The following PDE4B variants were observed in gnomAD, a reference collection of about 807,000 sequenced individuals.
The protein encoded by PDE4B is phosphodiesterase 4B.
A neutral mutation model predicts 82.2 loss-of-function variants in PDE4B; 20 were observed. The observed-to-expected ratio is 0.24, with a 90% CI of 0.17 to 0.35. PDE4B has a LOEUF of 0.35. Ranked by LOEUF, PDE4B falls within the 10% of genes least tolerant of loss-of-function variation. The probability of loss-of-function intolerance (pLI) is 1.00; values close to 1 mark genes in which losing one functional copy is unlikely to be tolerated. For synonymous variants in PDE4B, 320 were observed against 318.9 expected, an observed-to-expected ratio of 1.00 and a Z score of -0.04; for missense variants, 655 against 907.2, an observed-to-expected ratio of 0.72 and a Z score of 3.57.
chr1:66,065,737 TAGC>T (rs751740926), intron 3 of PDE4B, among the ~76,000 whole-genome samples: 18 of 151,894 alleles, frequency 1.2e-4, no homozygotes, highest in Non-Finnish European at 2.7e-4. Context: ...AGCTAGTTAG[TAGC>T]AGAGTGAATG....
chr1:65,952,156 C>T (rs187910319), intron 3 of PDE4B, among the ~76,000 whole-genome samples: 1 of 152,166 alleles, frequency 6.6e-6, no homozygotes, highest in East Asian at 1.9e-4. Context: ...GTTCATGTTT[C>T]AGTAAGCCTT....
At chr1:65,875,852 G>A (rs1646634964) in intron 1 of PDE4B, among the ~76,000 whole-genome samples, 1 of 151,564 alleles carries the variant, frequency 6.6e-6, no homozygotes, top group Non-Finnish European at 1.5e-5. Context: ...CCTAATGTTG[G>A]ATGACGAGTT....
At chr1:66,093,894 A>G (rs1570213639) in intron 3 of PDE4B, among the ~76,000 whole-genome samples, 1 of 152,016 alleles carries the variant, frequency 6.6e-6, no homozygotes, top group East Asian at 1.9e-4. Flanking sequence ...GGACCCAGAA[A>G]TCATTTGGGC....
chr1:65,806,216 T>C (rs1645753261), intron 1 of PDE4B, among the ~76,000 whole-genome samples: 1 of 152,132 alleles, frequency 6.6e-6, no homozygotes, highest in African/African-American at 2.4e-5. Flanking sequence ...ACTATATTAG[T>C]GCTAAATTAT....
At chr1:66,134,043 G>GA (rs3036787) in intron 3 of PDE4B, among the ~76,000 whole-genome samples, 4,724 of 148,592 alleles carry the variant, frequency 0.032, 249 homozygotes, top group African/African-American at 0.11. Context: ...CACAAAACTG[G>GA]AAAAAAAAAA....
At chr1:66,154,090 T>C (rs1490958798) in intron 3 of PDE4B, among the ~76,000 whole-genome samples, 1 of 152,162 alleles carries the variant, frequency 6.6e-6, no homozygotes, top group African/African-American at 2.4e-5. Context: ...GCAGCTAAAT[T>C]GCTCTCCCTG....
intron 3 of PDE4B, among the ~76,000 whole-genome samples, chr1:66,210,799 C>T (rs1371395018): frequency 1.3e-5 from 2 of 152,100 alleles, no homozygotes; most frequent in African/African-American, 4.8e-5. Context: ...CAATCTGTTG[C>T]AGACACTGCT....
intron 6 of PDE4B, among the ~76,000 whole-genome samples, chr1:66,263,088 G>T (rs1654803413): frequency 6.6e-6 from 1 of 152,188 alleles, no homozygotes; most frequent in Non-Finnish European, 1.5e-5. Flanking sequence ...CAAATATTAT[G>T]CCAGATCCCT....
At chr1:65,918,537 T>C in intron 2 of PDE4B, 60 bp from the exon 3 acceptor site, 1 of 996,922 alleles carries the variant, frequency 1.0e-6, no homozygotes, top group Non-Finnish European at 1.6e-6. Flanking sequence ...TTTCACTCCA[T>C]TTAACATTTG....
chr1:66,176,939 C>T (rs193021133), intron 3 of PDE4B, among the ~76,000 whole-genome samples: 1 of 152,302 alleles, frequency 6.6e-6, no homozygotes, highest in African/African-American at 2.4e-5. Context: ...AGAATTAGTC[C>T]TTGCCAGGTT....
chr1:66,068,264 A>G (rs901503319), intron 3 of PDE4B, among the ~76,000 whole-genome samples: 1 of 151,952 alleles, frequency 6.6e-6, no homozygotes, highest in Non-Finnish European at 1.5e-5. Flanking sequence ...CAGCGAAGCT[A>G]TCCCCAGGGA....
At chr1:65,962,845 A>C (rs1569830771) in intron 3 of PDE4B, among the ~76,000 whole-genome samples, 1 of 152,040 alleles carries the variant, frequency 6.6e-6, no homozygotes, top group East Asian at 1.9e-4. Flanking sequence ...CCAAAATGGC[A>C]CTCTTTTGAA....
chr1:65,939,711 T>C (rs766719079), intron 3 of PDE4B, among the ~76,000 whole-genome samples: 1 of 152,156 alleles, frequency 6.6e-6, no homozygotes, highest in Non-Finnish European at 1.5e-5. Context: ...AAGCTTAATA[T>C]ATAATTATTC....
chr1:65,859,490 T>A (rs1646429942), intron 1 of PDE4B, among the ~76,000 whole-genome samples: 2 of 152,184 alleles, frequency 1.3e-5, no homozygotes, highest in Admixed American at 1.3e-4. Context: ...CAACACTTCT[T>A]TCTTTTGTTT....
chr1:66,020,544 C>A (rs1006576801), intron 3 of PDE4B, among the ~76,000 whole-genome samples: 1 of 151,994 alleles, frequency 6.6e-6, no homozygotes, highest in East Asian at 1.9e-4. Flanking sequence ...CAATTCCCAC[C>A]TATGAGTCAG....
At chr1:65,911,848 A>G (rs1171887338) in intron 1 of PDE4B, among the ~76,000 whole-genome samples, 1 of 151,238 alleles carries the variant, frequency 6.6e-6, no homozygotes, top group Non-Finnish European at 1.5e-5. Context: ...TTCACTGCCA[A>G]CTCCTGCATA....
intron 3 of PDE4B, among the ~76,000 whole-genome samples, chr1:66,142,457 G>A (rs1331034424): frequency 6.6e-6 from 1 of 152,082 alleles, no homozygotes; most frequent in Non-Finnish European, 1.5e-5. Flanking sequence ...ATCATAGGAG[G>A]AAGTTGAATT....
intron 3 of PDE4B, among the ~76,000 whole-genome samples, chr1:66,148,917 T>A (rs1646327728): frequency 1.3e-5 from 2 of 152,348 alleles, no homozygotes; most frequent in Admixed American, 6.5e-5. Flanking sequence ...TTGATGAACA[T>A]TTGGGTTCTT....
chr1:66,189,307 T>C (rs1647511345), intron 3 of PDE4B, among the ~76,000 whole-genome samples: 1 of 152,134 alleles, frequency 6.6e-6, no homozygotes, highest in Non-Finnish European at 1.5e-5. Context: ...GACAATTATA[T>C]GTCTTGGAGT....
Sources: gnomAD v4.1 joint callset for allele counts (sites outside exome capture counted in the v4.1 genomes callset) on GRCh38, gnomAD v4.1.1 for gene constraint, MANE v1.5 for transcripts, NCBI Gene and HGNC (gene_info 2026-07-23, HGNC 2026-07-21) for gene names.